The following PIGU variants were observed in gnomAD, a reference collection of about 807,000 sequenced individuals.
PIGU encodes the protein GPI-anchor transamidase component PIGU.
Under a neutral mutation model 49.9 loss-of-function variants are expected in PIGU, and 24 were observed. The ratio of observed to expected loss-of-function variants is 0.48; its 90% confidence interval spans 0.35 to 0.68. PIGU has a LOEUF of 0.68. PIGU is among the 30% of genes least tolerant of loss of function. The pLI, the probability that PIGU is intolerant of heterozygous loss-of-function variation, is 0.01. For synonymous variants in PIGU, 220 were observed against 205.7 expected (o/e 1.07, Z -0.59); for missense variants, 490 against 532.6 (o/e 0.92, Z 0.79).
chr20:34,629,544 A>G (rs903141022), intron 6 of PIGU, among the ~76,000 whole-genome samples: 1 of 152,198 alleles, frequency 6.6e-6, no homozygotes, highest in Non-Finnish European at 1.5e-5. Context: ...AATGAAGCCC[A>G]TGTAACCAGC....
chr20:34,665,420 G>C (rs965741239), intron 1 of PIGU, among the ~76,000 whole-genome samples: 25 of 151,074 alleles, frequency 1.7e-4, no homozygotes, highest in African/African-American at 6.1e-4. Flanking sequence ...AGCCAGGATG[G>C]TCTCGATCTC....
intron 11 of PIGU, among the ~76,000 whole-genome samples, chr20:34,570,893 T>TA (rs906427724): frequency 1.3e-5 from 2 of 151,522 alleles, no homozygotes; most frequent in African/African-American, 4.8e-5. Flanking sequence ...ATAAAAGGGT[T>TA]AAAAAAAAAC....
chr20:34,636,117 CT>C (rs757990461), intron 5 of PIGU, among the ~76,000 whole-genome samples: 24 of 152,170 alleles, frequency 1.6e-4, no homozygotes, highest in Non-Finnish European at 2.9e-4. Context: ...GGGAGAATCA[CT>C]TCAGTCCAGG....
At chr20:34,581,771 G>C in intron 9 of PIGU, 99 bp from the exon 10 acceptor site, 1 of 1,424,490 alleles carries the variant, frequency 7.0e-7, no homozygotes. Context: ...ATAATCCTCA[G>C]GGGACTTCAG....
At chr20:34,602,195 T>C (rs920317925) in intron 7 of PIGU, among the ~76,000 whole-genome samples, 3 of 151,216 alleles carry the variant, frequency 2.0e-5, no homozygotes, top group East Asian at 1.9e-4. Flanking sequence ...GGTGGGAGAA[T>C]TGCTTGAACC....
At chr20:34,585,137 C>T (rs1248064921) in intron 9 of PIGU, among the ~76,000 whole-genome samples, 5 of 152,210 alleles carry the variant, frequency 3.3e-5, no homozygotes, top group African/African-American at 9.6e-5. Flanking sequence ...GCCTGGCCAC[C>T]GCCTGGCTCT....
chr20:34,572,488 T>C (rs1329726409), intron 11 of PIGU, among the ~76,000 whole-genome samples: 1 of 151,992 alleles, frequency 6.6e-6, no homozygotes, highest in Non-Finnish European at 1.5e-5. Context: ...CTCTACTCTC[T>C]ACCAAAAATA....
intron 1 of PIGU, among the ~76,000 whole-genome samples, chr20:34,669,755 G>A (rs1987248179): frequency 6.6e-6 from 1 of 151,834 alleles, no homozygotes; most frequent in African/African-American, 2.4e-5. Flanking sequence ...AGATGATAGA[G>A]GAACATGTTA....
intron 6 of PIGU, among the ~76,000 whole-genome samples, chr20:34,620,827 A>AC (rs1985189699): frequency 6.6e-6 from 1 of 151,504 alleles, no homozygotes; most frequent in South Asian, 2.1e-4. Context: ...AAACAAAAAA[A>AC]AAAAAACAAA....
chr20:34,571,609 C>T (rs747192896), intron 11 of PIGU, among the ~76,000 whole-genome samples: 33 of 152,148 alleles, frequency 2.2e-4, no homozygotes, highest in Admixed American at 1.3e-4. Context: ...GAACTGAGAA[C>T]ATGTCCCCAA....
chr20:34,566,047 C>T (rs974052273), intron 11 of PIGU, among the ~76,000 whole-genome samples: 6 of 151,988 alleles, frequency 3.9e-5, no homozygotes, highest in African/African-American at 1.2e-4. Flanking sequence ...CATACACGCA[C>T]GCTCTCACTG....
At chr20:34,562,121 T>C (rs559108529) in intron 11 of PIGU, among the ~76,000 whole-genome samples, 12 of 152,258 alleles carry the variant, frequency 7.9e-5, no homozygotes, top group African/African-American at 2.2e-4. Context: ...CAGAAAGGAA[T>C]AGGGATTTGC....
intron 2 of PIGU, among the ~76,000 whole-genome samples, chr20:34,656,839 G>T (rs6059968): frequency 2.0e-5 from 3 of 151,856 alleles, no homozygotes; most frequent in Admixed American, 1.3e-4. Flanking sequence ...CATTACTGCC[G>T]TAGTTTTCAT....
intron 8 of PIGU, among the ~76,000 whole-genome samples, 165 bp from the exon 9 acceptor site, chr20:34,585,745 G>T (rs1022950434): frequency 1.3e-5 from 2 of 152,144 alleles, no homozygotes; most frequent in Non-Finnish European, 2.9e-5. Flanking sequence ...CTGGATACAG[G>T]TAATTAACAA....
intron 11 of PIGU, among the ~76,000 whole-genome samples, chr20:34,566,474 T>C (rs1742550743): frequency 6.6e-6 from 1 of 152,120 alleles, no homozygotes; most frequent in African/African-American, 2.4e-5. Context: ...AGCTAGCTGA[T>C]AAAGGGGTGA....
intron 2 of PIGU, among the ~76,000 whole-genome samples, chr20:34,650,700 C>CTTTTTTTT (rs59998699): frequency 0.032 from 1,224 of 38,712 alleles, 374 homozygotes; most frequent in Non-Finnish European, 0.042. Flanking sequence ...CTTTTTTTCT[C>CTTTTTTTT]TTTTTTTTTT....
intron 3 of PIGU, 122 bp from the exon 4 acceptor site, chr20:34,644,348 A>G: frequency 2.7e-6 from 2 of 735,574 alleles, no homozygotes; most frequent in Admixed American, 2.3e-5. Flanking sequence ...TCTTACAATC[A>G]GGTAGAACTT....
intron 6 of PIGU, among the ~76,000 whole-genome samples, chr20:34,629,897 C>T (rs924449341): frequency 6.6e-6 from 1 of 151,988 alleles, no homozygotes; most frequent in African/African-American, 2.4e-5. Flanking sequence ...GAGATTATAG[C>T]AAAACCAACT....
intron 7 of PIGU, among the ~76,000 whole-genome samples, chr20:34,590,777 C>G (rs980800712): frequency 6.6e-6 from 1 of 152,116 alleles, no homozygotes; most frequent in East Asian, 1.9e-4. Context: ...AATCCCAGCA[C>G]TTTGGGAGGC....
Sources: gnomAD v4.1 joint callset for allele counts (sites outside exome capture counted in the v4.1 genomes callset) on GRCh38, gnomAD v4.1.1 for gene constraint, MANE v1.5 for transcripts, NCBI Gene and HGNC (gene_info 2026-07-23, HGNC 2026-07-21) for gene names.